SLC8A1: variants seen among roughly 807,000 people sequenced by gnomAD.
The protein encoded by SLC8A1 is sodium/calcium exchanger 1.
Under a neutral mutation model 68.3 loss-of-function variants are expected in SLC8A1, and 18 were observed. The observed-to-expected ratio is 0.26, with a 90% CI of 0.18 to 0.39. The LOEUF is 0.39. Among genes scored for constraint, SLC8A1 ranks in the 10% least tolerant of loss-of-function variants. The pLI is 1.00. For synonymous variants in SLC8A1, 475 were observed against 415.5 expected, an observed-to-expected ratio of 1.14 and a Z score of -1.74; for missense variants, 985 against 1,156.7, an observed-to-expected ratio of 0.85 and a Z score of 2.15.
At chr2:40,497,925 A>G (rs1705813651) in intron 1 of SLC8A1, among the ~76,000 whole-genome samples, 1 of 152,016 alleles carries the variant, frequency 6.6e-6, no homozygotes. Flanking sequence ...GCCAGGGTGG[A>G]GGTAGGATAT....
At chr2:40,217,097 T>A (rs909113758) in intron 2 of SLC8A1, among the ~76,000 whole-genome samples, 8 of 152,182 alleles carry the variant, frequency 5.3e-5, no homozygotes, top group African/African-American at 1.9e-4. Flanking sequence ...GCCTAGGTTT[T>A]CTTTTAGGGT....
chr2:40,478,043 G>A (rs549387051), intron 1 of SLC8A1, among the ~76,000 whole-genome samples: 25 of 152,298 alleles, frequency 1.6e-4, no homozygotes, highest in African/African-American at 4.6e-4. Flanking sequence ...ATCAAACTGT[G>A]AAAGTCAGTA....
intron 2 of SLC8A1, among the ~76,000 whole-genome samples, chr2:40,342,077 T>C (rs1667869205): frequency 1.3e-5 from 2 of 152,166 alleles, no homozygotes; most frequent in South Asian, 4.1e-4. Flanking sequence ...TTCACTTTAT[T>C]ACTGATACAG....
chr2:40,448,599 T>C (rs752990364), intron 1 of SLC8A1, among the ~76,000 whole-genome samples: 4 of 152,150 alleles, frequency 2.6e-5, no homozygotes, highest in Non-Finnish European at 4.4e-5. Context: ...GCCAAAGTGA[T>C]AGACAGCTAA....
At chr2:40,115,244 A>G in exon 8 of SLC8A1, 1 of 1,591,050 alleles carries the variant, frequency 6.3e-7, no homozygotes, top group Non-Finnish European at 8.6e-7. Flanking sequence ...ACTATATCTG[A>G]TAGTTCCTTT....
intron 2 of SLC8A1, among the ~76,000 whole-genome samples, chr2:40,422,965 A>G (rs182800748): frequency 2.0e-5 from 3 of 152,278 alleles, no homozygotes; most frequent in African/African-American, 7.2e-5. Flanking sequence ...ATAATATCAC[A>G]TGTATGAAAA....
At chr2:40,336,835 T>C (rs55667264) in intron 2 of SLC8A1, among the ~76,000 whole-genome samples, 10,875 of 152,210 alleles carry the variant, frequency 0.071, 457 homozygotes, top group Middle Eastern at 0.082. Context: ...ACATGGAATC[T>C]TGACTCTGCC....
chr2:40,429,998 T>C lies in SLC8A1; in HGVS notation c.283A>G (p.Ile95Val), dbSNP rs140571640. 366 of 1,613,880 alleles carry C rather than the reference T, an allele frequency of 2.3e-4. No individual in the cohort carries two copies. The highest frequency in any genetic ancestry group is 2.9e-4 in the Non-Finnish European group (341 of 1,179,920). ...ATAGAGGACATGAACCGATCAGCTA[T>C]GATAGAGACTCCAAGAAACATGTAG... The change falls in exon 2 of 8, where the codon ATA becomes GTA. Residue 95 changes from isoleucine (I) to valine (V), a missense_variant. Ile to Val is a conservative substitution (Grantham distance 29, BLOSUM62 3). Coordinates refer to ENST00000406785, the Ensembl canonical transcript of SLC8A1.
intron 2 of SLC8A1, among the ~76,000 whole-genome samples, chr2:40,344,674 G>T (rs999692218): frequency 6.6e-6 from 1 of 152,070 alleles, no homozygotes; most frequent in Admixed American, 6.6e-5. Flanking sequence ...AGAGCTTCAG[G>T]TCTCCCATTG....
intron 4 of SLC8A1, among the ~76,000 whole-genome samples, chr2:40,167,574 G>C (rs1229787886): frequency 6.6e-6 from 1 of 152,130 alleles, no homozygotes; most frequent in Admixed American, 6.5e-5. Context: ...CTAAAAAACA[G>C]TAAGGCACAC....
intron 1 of SLC8A1, among the ~76,000 whole-genome samples, chr2:40,477,664 C>T (rs1704373091): frequency 6.6e-6 from 1 of 152,044 alleles, no homozygotes; most frequent in African/African-American, 2.4e-5. Context: ...AGTAATTTTC[C>T]TTTAAGTTGA....
chr2:40,139,535 A>C, exon 7 of SLC8A1: 1 of 1,614,196 alleles, frequency 6.2e-7, no homozygotes, highest in Non-Finnish European at 8.5e-7. Context: ...GGAGACAATG[A>C]AACACGCCCA....
intron 6 of SLC8A1, among the ~76,000 whole-genome samples, chr2:40,157,480 A>T (rs1000451703): frequency 1.1e-4 from 17 of 152,130 alleles, no homozygotes; most frequent in Non-Finnish European, 2.2e-4. Flanking sequence ...AGCTGTTGTG[A>T]AGAACAATAT....
At chr2:40,394,609 AT>A (rs1406427169) in intron 2 of SLC8A1, among the ~76,000 whole-genome samples, 3 of 152,076 alleles carry the variant, frequency 2.0e-5, no homozygotes, top group Admixed American at 1.3e-4. Flanking sequence ...ATTTTTGAAA[AT>A]AAAGTTTGTG....
At chr2:40,434,483 T>C (rs896201472) in intron 1 of SLC8A1, among the ~76,000 whole-genome samples, 1 of 152,168 alleles carries the variant, frequency 6.6e-6, no homozygotes, top group African/African-American at 2.4e-5. Flanking sequence ...TCAAAGTAGT[T>C]CTACTAAACT....
intron 3 of SLC8A1, chr2:40,175,996 A>C (rs1011718023): frequency 7.8e-5 from 35 of 447,952 alleles, no homozygotes; most frequent in Non-Finnish European, 1.4e-4. Context: ...TCTAGTGGAC[A>C]TATCATCCCA....
chr2:40,331,803 G>A (rs367721425), intron 2 of SLC8A1, among the ~76,000 whole-genome samples: 1 of 152,030 alleles, frequency 6.6e-6, no homozygotes, highest in South Asian at 2.1e-4. Flanking sequence ...CAGTTGGCCA[G>A]GCTGGTTTTG....
intron 2 of SLC8A1, among the ~76,000 whole-genome samples, chr2:40,321,227 T>C (rs1287031014): frequency 2.0e-5 from 3 of 152,168 alleles, no homozygotes; most frequent in Non-Finnish European, 1.5e-5. Context: ...ATAATGACTT[T>C]AGCATCTCAT....
chr2:40,407,312 C>T (rs1012846263), intron 2 of SLC8A1, among the ~76,000 whole-genome samples: 8 of 152,124 alleles, frequency 5.3e-5, no homozygotes, highest in South Asian at 4.1e-4. Flanking sequence ...GTGATCTGCC[C>T]GCCTCGGCCT....
Sources: allele counts gnomAD v4.1 joint callset (sites outside exome capture counted in the v4.1 genomes callset), GRCh38; gene constraint gnomAD v4.1.1; transcripts MANE v1.5; gene names NCBI Gene and HGNC (gene_info 2026-07-23, HGNC 2026-07-21).